Variants in MDGA2 observed in about 807,000 individuals in gnomAD.
MDGA2 encodes MAM domain containing glycosylphosphatidylinositol anchor 2.
In MDGA2, 40 loss-of-function variants were observed where a neutral mutation model predicts 117.8. That is an observed-to-expected ratio of 0.34 (90% CI 0.26 to 0.44). The LOEUF is 0.44. Ranked by LOEUF, MDGA2 falls within the 20% of genes least tolerant of loss-of-function variation. The probability of loss-of-function intolerance (pLI) is 1.00; values close to 1 mark genes in which losing one functional copy is unlikely to be tolerated. For missense variants in MDGA2, 1,123 were observed against 1,250.6 expected (o/e 0.90, Z 1.54); for synonymous variants, 452 against 439.0 (o/e 1.03, Z -0.37).
intron 1 of MDGA2, among the ~76,000 whole-genome samples, chr14:47,523,342 G>T (rs1447742738): frequency 1.3e-5 from 2 of 151,980 alleles, no homozygotes; most frequent in African/African-American, 4.8e-5. Flanking sequence ...AAAAGTAGAG[G>T]TTAAATACAA....
intron 1 of MDGA2, among the ~76,000 whole-genome samples, chr14:47,672,100 G>A (rs1898085701): frequency 6.6e-6 from 1 of 152,204 alleles, no homozygotes; most frequent in Non-Finnish European, 1.5e-5. Context: ...CCAGGGTGAT[G>A]CTAATGCTGA....
intron 3 of MDGA2, among the ~76,000 whole-genome samples, chr14:47,213,446 A>G (rs2139490076): frequency 6.6e-6 from 1 of 152,304 alleles, no homozygotes; most frequent in Admixed American, 6.5e-5. Context: ...TGTGTTAAGG[A>G]TCCAGTGGTA....
At chr14:46,893,586 T>A (rs552152733) in intron 10 of MDGA2, among the ~76,000 whole-genome samples, 1 of 152,160 alleles carries the variant, frequency 6.6e-6, no homozygotes, top group Admixed American at 6.5e-5. Flanking sequence ...ACTGTAGTAA[T>A]CATTGTATTA....
intron 3 of MDGA2, among the ~76,000 whole-genome samples, chr14:47,209,638 AT>A (rs1885812050): frequency 6.6e-6 from 1 of 152,168 alleles, no homozygotes. Flanking sequence ...ATGTAATAGG[AT>A]TTTTGACAAA....
At chr14:47,427,744 T>C (rs571039915) in intron 1 of MDGA2, among the ~76,000 whole-genome samples, 2 of 151,996 alleles carry the variant, frequency 1.3e-5, no homozygotes, top group Admixed American at 1.3e-4. Context: ...TTCAATTATC[T>C]AGCAAATCTT....
At chr14:46,864,770 A>C (rs541207922) in intron 14 of MDGA2, among the ~76,000 whole-genome samples, 19 of 152,000 alleles carry the variant, frequency 1.3e-4, no homozygotes, top group Non-Finnish European at 1.9e-4. Context: ...ACTATTATCA[A>C]ACAGCTCACA....
intron 1 of MDGA2, among the ~76,000 whole-genome samples, chr14:47,439,440 G>C (rs1892959276): frequency 6.6e-6 from 1 of 152,094 alleles, no homozygotes; most frequent in African/African-American, 2.4e-5. Context: ...CCAACAGCTA[G>C]TAGTCATTCA....
intron 1 of MDGA2, among the ~76,000 whole-genome samples, chr14:47,331,417 A>G (rs908844406): frequency 6.7e-6 from 1 of 149,954 alleles, no homozygotes. Flanking sequence ...ATAGGAAGGT[A>G]CTCAAATAAA....
chr14:47,579,930 G>T (rs953522631), intron 1 of MDGA2, among the ~76,000 whole-genome samples: 1 of 152,142 alleles, frequency 6.6e-6, no homozygotes, highest in South Asian at 2.1e-4. Context: ...ATGTTACTAT[G>T]CTATGTGAAT....
chr14:47,492,459 T>C (rs140150690), intron 1 of MDGA2, among the ~76,000 whole-genome samples: 52 of 152,206 alleles, frequency 3.4e-4, no homozygotes, highest in Non-Finnish European at 5.3e-4. Context: ...TATATACGTG[T>C]GTGTGTGTTT....
Position 47,469,825 on chromosome 14 carries a change from G to A in MDGA2, c.281-168275C>T, listed in dbSNP as rs531410493. 2.6e-5 allele frequency among the ~76,000 whole-genome samples: 4 copies of A among 152,238 alleles called. No individual in the cohort carries two copies. The East Asian group carries it at 7.7e-4, about 29-fold the overall frequency. On this transcript the variant is annotated intron_variant, in intron 1 of 16. Coordinates refer to ENST00000399232, the MANE Select transcript of MDGA2 (RefSeq NM_001113498.3). Reference sequence around the variant, plus strand: ...TCCTCTCCAGCACCTGTTGTTTCCTGACATTTTAATGATCGCCATTCTAAC... The same window carrying A: ...TCCTCTCCAGCACCTGTTGTTTCCTAACATTTTAATGATCGCCATTCTAAC...
rs1892042891 is a variant in MDGA2, at chr14:47,397,630, T to C, written c.281-96080A>G. Among the ~76,000 whole-genome samples the C allele has an allele frequency of 2.0e-5, 3 of 152,154 alleles. No homozygotes were observed. The South Asian group carries it at 6.2e-4, about 32-fold the overall frequency. On this transcript the variant is annotated intron_variant, in intron 1 of 16. Coordinates refer to ENST00000399232, the MANE Select transcript of MDGA2 (RefSeq NM_001113498.3). The stretch of plus-strand genomic sequence containing the variant: ...AAATCTGGACATTTTCTTTTCTTTA[T>C]AGATCAATAGATAAGTATCTTTATA...
chr14:47,339,050 A>G (rs924654827), intron 1 of MDGA2, among the ~76,000 whole-genome samples: 4 of 152,108 alleles, frequency 2.6e-5, no homozygotes, highest in Admixed American at 2.0e-4. Context: ...TCTATTTTAT[A>G]CTGATTGAAA....
rs201684060 is a variant in MDGA2 at position 47,205,106 on chromosome 14, ATG to A, written c.595+12913_595+12914del. On this transcript the variant is annotated intron_variant, in intron 3 of 16. Transcript: ENST00000399232. ...AGTTCGTTTCTGTCTGTACGTGTAT[ATG>A]TGTGTTTGTGTGTATATATATGTGC... Among the ~76,000 whole-genome samples, 529 of 152,002 alleles carry A rather than the reference ATG, an allele frequency of 3.5e-3. 9 individuals carry two copies. The highest frequency in any genetic ancestry group is 0.012 in the African/African-American group (481 of 41,508).
At position 47,102,366 on chromosome 14, in the gene MDGA2, A is replaced by AAC. The variant is rs3039394; in HGVS notation, c.926-5245_926-5244dup. On this transcript the variant is annotated intron_variant, in intron 5 of 16. Coordinates refer to ENST00000399232, the MANE Select transcript of MDGA2 (RefSeq NM_001113498.3). Reference sequence around the variant, plus strand: ...ACAGAGAAGATTGTGAGGAAGGAGAAACACACACACACACACACACACACA... The same window carrying AAC: ...ACAGAGAAGATTGTGAGGAAGGAGAAACACACACACACACACACACACACACA... 1.3e-3 allele frequency among the ~76,000 whole-genome samples: 197 copies of AAC among 148,386 alleles called. 1 individual carries two copies. The highest frequency in any genetic ancestry group is 3.6e-3 in the Admixed American group (54 of 14,860).
intron 3 of MDGA2, among the ~76,000 whole-genome samples, chr14:47,184,633 CT>C (rs764378522): frequency 2.6e-5 from 4 of 151,730 alleles, no homozygotes; most frequent in African/African-American, 7.2e-5. Flanking sequence ...TATGACACTT[CT>C]TTAAAAATAC....
At chr14:47,569,180 T>C (rs1566520028) in intron 1 of MDGA2, among the ~76,000 whole-genome samples, 2 of 152,190 alleles carry the variant, frequency 1.3e-5, no homozygotes, top group Non-Finnish European at 1.5e-5. Context: ...TTCAACTCTT[T>C]GATAATCAGA....
chr14:46,945,302 A>C (rs529662119), intron 9 of MDGA2, among the ~76,000 whole-genome samples: 226 of 152,208 alleles, frequency 1.5e-3, no homozygotes, highest in African/African-American at 5.2e-3. Flanking sequence ...TTTGTTAAGG[A>C]GTACCTAGAA....
At chr14:47,136,147 TC>T (rs1882443270) in intron 4 of MDGA2, among the ~76,000 whole-genome samples, 1 of 151,850 alleles carries the variant, frequency 6.6e-6, no homozygotes, top group Admixed American at 6.6e-5. Flanking sequence ...TACTCTCCAG[TC>T]TTTTTGAATT....
Sources: gnomAD v4.1 joint callset for allele counts (sites outside exome capture counted in the v4.1 genomes callset) on GRCh38, gnomAD v4.1.1 for gene constraint, MANE v1.5 for transcripts, NCBI Gene and HGNC (gene_info 2026-07-23, HGNC 2026-07-21) for gene names.